Variants in PPP4R2 observed in about 807,000 individuals in gnomAD.
PPP4R2 encodes the protein serine/threonine-protein phosphatase 4 regulatory subunit 2.
PPP4R2 carries 13 observed loss-of-function variants against 47.2 expected under a neutral mutation model. That is an observed-to-expected ratio of 0.28 (90% CI 0.18 to 0.44). The LOEUF (loss-of-function observed/expected upper bound fraction) is 0.44, where lower values mean the gene tolerates loss of function less well. Among genes scored for constraint, PPP4R2 ranks in the 20% least tolerant of loss-of-function variants. PPP4R2 has a pLI of 1.00. For missense variants in PPP4R2, 421 were observed against 491.2 expected, an observed-to-expected ratio of 0.86 and a Z score of 1.35; for synonymous variants, 151 against 163.3, an observed-to-expected ratio of 0.92 and a Z score of 0.57.
At chr3:73,010,418 C>T (rs1214254648) in intron 2 of PPP4R2, among the ~76,000 whole-genome samples, 1 of 152,124 alleles carries the variant, frequency 6.6e-6, no homozygotes, top group East Asian at 1.9e-4. Context: ...TTGAGAGGCT[C>T]TGTAGAGTGA....
chr3:73,016,890 C>G (rs991108390), intron 2 of PPP4R2, among the ~76,000 whole-genome samples: 5 of 146,870 alleles, frequency 3.4e-5, no homozygotes, highest in African/African-American at 1.3e-4. Context: ...TCACTGAAAC[C>G]TCCACCTCCC....
intron 2 of PPP4R2, among the ~76,000 whole-genome samples, chr3:73,015,625 G>A (rs1701813815): frequency 6.6e-6 from 1 of 150,536 alleles, no homozygotes; most frequent in Non-Finnish European, 1.5e-5. Flanking sequence ...ACAGGCGTGT[G>A]CCACCATGCC....
intron 2 of PPP4R2, among the ~76,000 whole-genome samples, chr3:73,046,079 T>G (rs1159769305): frequency 2.0e-5 from 3 of 152,240 alleles, no homozygotes; most frequent in African/African-American, 4.8e-5. Context: ...TTTTTAAAAT[T>G]ACGAGTTTGT....
chr3:73,010,217 A>C (rs1701694803), intron 2 of PPP4R2, among the ~76,000 whole-genome samples: 1 of 151,394 alleles, frequency 6.6e-6, no homozygotes, highest in African/African-American at 2.5e-5. Context: ...AAAAAATAGA[A>C]AACTTTTTTG....
intron 3 of PPP4R2, among the ~76,000 whole-genome samples, chr3:73,048,910 T>A (rs1370522162): frequency 6.6e-6 from 1 of 152,200 alleles, no homozygotes. Context: ...TGGGGTCTGT[T>A]ACAAAAATAT....
intron 2 of PPP4R2, among the ~76,000 whole-genome samples, chr3:73,030,921 C>T (rs571564731): frequency 6.6e-6 from 1 of 151,784 alleles, no homozygotes; most frequent in Non-Finnish European, 1.5e-5. Flanking sequence ...AGGCTGGTCT[C>T]GAACTCCTGA....
rs190958359 is a variant in PPP4R2 at position 73,036,965 on chromosome 3, G to A, written c.117-10221G>A. 1.1e-4 allele frequency among the ~76,000 whole-genome samples: 17 copies of A among 152,262 alleles called. 1 individual carries two copies. In the East Asian group the frequency reaches 3.1e-3, roughly 28 times the overall value. On this transcript the variant is annotated intron_variant, in intron 2 of 8. Transcript: ENST00000356692. ...ATACAGTAATCTCTCACCACTTGTG[G>A]CAGTGCTAACTCATTTTTATATTTC... is the stretch of plus-strand genomic sequence containing the variant.
chr3:73,002,614 C>CTTTTTTTTTTT (rs1701493749), intron 2 of PPP4R2, among the ~76,000 whole-genome samples: 1 of 63,580 alleles, frequency 1.6e-5, no homozygotes, highest in African/African-American at 8.1e-5. Context: ...TTTTTCTTTT[C>CTTTTTTTTTTT]TTTTCTTTTC....
At chr3:73,019,370 TTTTA>T (rs897363024) in intron 2 of PPP4R2, among the ~76,000 whole-genome samples, 4 of 152,196 alleles carry the variant, frequency 2.6e-5, no homozygotes, top group African/African-American at 4.8e-5. Context: ...GGAACTATTA[TTTTA>T]TTTATTTATT....
intron 2 of PPP4R2, among the ~76,000 whole-genome samples, chr3:73,034,735 G>A (rs1472126977): frequency 6.6e-6 from 1 of 151,904 alleles, no homozygotes; most frequent in South Asian, 2.1e-4. Flanking sequence ...ATCTCGCTAT[G>A]TTGCCCAGGC....
At position 73,068,710 on chromosome 3, in the gene PPP4R2, A is replaced by C. The variant is rs1218668125; in HGVS notation, c.*2988A>C. On this transcript the variant is annotated 3_prime_UTR_variant, in exon 9 of 9. Transcript: ENST00000356692. Reference sequence around the variant, plus strand: ...GGTGTAGATAGGCATGTATTTATGCATTTTTGCATTTGTAAAATCAACTTT... The same window carrying C: ...GGTGTAGATAGGCATGTATTTATGCCTTTTTGCATTTGTAAAATCAACTTT... 1 of 151,996 alleles carries C rather than the reference A, an allele frequency of 6.6e-6. No homozygotes were observed. Among genetic ancestry groups the C allele is most frequent in the Non-Finnish European group, 1.5e-5 (1 of 67,978 alleles). The allele number at this position is 151,996 out of a possible 1,614,324, so 9.4% of individuals were successfully genotyped here.
At position 73,064,028 on chromosome 3, in the gene PPP4R2, C is replaced by T. The variant is rs754072026; in HGVS notation, c.520C>T (p.Pro174Ser). 3 of 1,611,196 alleles carry T rather than the reference C, an allele frequency of 1.9e-6. No individual in the cohort carries two copies. Among genetic ancestry groups the T allele is most frequent in the African/African-American group, 1.3e-5 (1 of 74,794 alleles). ...GTCTAATATAAATGGGCCTGGGACA[C>T]CCAGGCCACTTAATCGACCAAAGGT... ...ERSNINGPGT[P>S]RPLNRPKVSL... The change falls in exon 7 of 9, where the codon CCC becomes TCC. Residue 174 changes from proline (P) to serine (S), a missense_variant. Physicochemically the swap from Pro to Ser is moderately conservative, Grantham distance 74 (BLOSUM62 -1). Transcript: ENST00000356692.
chr3:73,042,793 C>G (rs1225002351), intron 2 of PPP4R2, among the ~76,000 whole-genome samples: 1 of 152,144 alleles, frequency 6.6e-6, no homozygotes, highest in African/African-American at 2.4e-5. Flanking sequence ...AATAGTATCA[C>G]TTGAATTGCA....
At chr3:72,998,212 C>A in intron 2 of PPP4R2, 54 bp downstream of exon 2, 1 of 1,137,014 alleles carries the variant, frequency 8.8e-7, no homozygotes, top group Non-Finnish European at 1.3e-6. Context: ...TTAAGAATTG[C>A]TCAGGAAAGG....
intron 2 of PPP4R2, among the ~76,000 whole-genome samples, chr3:73,001,304 T>A (rs1476010684): frequency 6.6e-6 from 1 of 152,122 alleles, no homozygotes; most frequent in African/African-American, 2.4e-5. Context: ...ATGTCTGTAA[T>A]CCCAGAACTT....
At chr3:73,039,535 G>A (rs769505492) in intron 2 of PPP4R2, among the ~76,000 whole-genome samples, 4 of 152,104 alleles carry the variant, frequency 2.6e-5, no homozygotes, top group Non-Finnish European at 5.9e-5. Context: ...ATAAGCAAAA[G>A]ACAGATAATT....
intron 2 of PPP4R2, among the ~76,000 whole-genome samples, chr3:73,017,889 G>A (rs550709806): frequency 7.2e-5 from 11 of 152,048 alleles, no homozygotes; most frequent in Admixed American, 2.0e-4. Context: ...CACCACACCC[G>A]GCTAATTTTT....
chr3:73,020,672 T>TAAA (rs1553646728), intron 2 of PPP4R2, among the ~76,000 whole-genome samples: 4 of 133,206 alleles, frequency 3.0e-5, no homozygotes, highest in African/African-American at 1.2e-4. Flanking sequence ...CCTGTCTCTT[T>TAAA]AAAAAAAAAA....
intron 2 of PPP4R2, among the ~76,000 whole-genome samples, chr3:73,008,761 G>T (rs927473287): frequency 6.6e-6 from 1 of 152,172 alleles, no homozygotes; most frequent in Non-Finnish European, 1.5e-5. Context: ...TTATCTGTAT[G>T]CTGGGCATAA....
Sources: allele counts gnomAD v4.1 joint callset (sites outside exome capture counted in the v4.1 genomes callset), GRCh38; gene constraint gnomAD v4.1.1; transcripts MANE v1.5; gene names NCBI Gene and HGNC (gene_info 2026-07-23, HGNC 2026-07-21).